The following CPS1 variants were observed in gnomAD, a reference collection of about 807,000 sequenced individuals.
CPS1 encodes the protein carbamoyl-phosphate synthase [ammonia], mitochondrial.
Under a neutral mutation model 174.6 loss-of-function variants are expected in CPS1, and 109 were observed. The observed-to-expected ratio is 0.62, with a 90% confidence interval of 0.53 to 0.73. The LOEUF (loss-of-function observed/expected upper bound fraction) is 0.73. CPS1 is among the 30% of genes least tolerant of loss of function. CPS1 has a pLI of 0.00. For synonymous variants in CPS1, 637 were observed against 632.0 expected, an observed-to-expected ratio of 1.01 and a Z score of -0.12; for missense variants, 1,689 against 1,821.9, an observed-to-expected ratio of 0.93 and a Z score of 1.33.
chr2:210,625,143 G>T (rs1331176394), intron 21 of CPS1, among the ~76,000 whole-genome samples: 2 of 151,556 alleles, frequency 1.3e-5, no homozygotes, highest in Non-Finnish European at 2.9e-5. Flanking sequence ...TTTTGTGCTA[G>T]TTCCAAAGCC....
rs1443967064 is a variant in CPS1 at position 210,678,278 on chromosome 2, G to A, written c.*293G>A. The A allele has an allele frequency of 4.6e-6, 2 of 438,950 alleles. No homozygotes were observed. The highest frequency in any genetic ancestry group is 7.0e-5 in the Admixed American group (2 of 28,644). 27.2% of individuals were successfully genotyped at this position (438,950 alleles called of 1,614,324 possible). A position where few individuals can be genotyped will look rare whatever the true frequency, so the allele number is the denominator to read the frequency against. ...TGTGTAGCTTTTTACTTTTTATGGT[G>A]CTGATTAATGGTGATCAAGGTAGGA... On this transcript the variant is annotated 3_prime_UTR_variant, in exon 38 of 38. Transcript: ENST00000233072.
intron 28 of CPS1, among the ~76,000 whole-genome samples, chr2:210,652,668 A>AT (rs1700593732): frequency 6.6e-6 from 1 of 152,178 alleles, no homozygotes; most frequent in African/African-American, 2.4e-5. Context: ...AACCTTTTGA[A>AT]TGTGAACTGC....
At chr2:210,549,668 TTAGA>T (rs1429393520) in intron 1 of CPS1, among the ~76,000 whole-genome samples, 1 of 152,064 alleles carries the variant, frequency 6.6e-6, no homozygotes, top group Non-Finnish European at 1.5e-5. Context: ...CTTGGCTTAC[TTAGA>T]TATTTGGTTT....
chr2:210,636,027 T>A (rs532684195), intron 21 of CPS1, among the ~76,000 whole-genome samples: 1 of 152,352 alleles, frequency 6.6e-6, no homozygotes, highest in South Asian at 2.1e-4. Context: ...TGCAATAGAT[T>A]TAATCCAATT....
intron 1 of CPS1, among the ~76,000 whole-genome samples, chr2:210,564,124 G>A (rs1697199942): frequency 6.6e-6 from 1 of 152,096 alleles, no homozygotes; most frequent in South Asian, 2.1e-4. Context: ...GAGATTTTTA[G>A]AGAAATTTCA....
At chr2:210,581,715 G>T (rs1015005477) in intron 5 of CPS1, among the ~76,000 whole-genome samples, 1 of 152,110 alleles carries the variant, frequency 6.6e-6, no homozygotes, top group Admixed American at 6.6e-5. Context: ...TAACAGCACT[G>T]AAACATCCAT....
chr2:210,500,613 C>A lies in CPS1; in HGVS notation c.3+22847C>A, dbSNP rs141630967. 2.5e-3 allele frequency among the ~76,000 whole-genome samples: 380 copies of A among 152,332 alleles called. 1 individual carries two copies. Among genetic ancestry groups the A allele is most frequent in the African/African-American group, 8.7e-3 (362 of 41,580 alleles). On this transcript the variant is annotated intron_variant, in intron 1 of 38. Transcript: ENST00000430249. ...AAATGATCTCCTTTGACTCTTATGT[C>A]TCATATCCAGGTCACACTGATGCAA... is the stretch of plus-strand genomic sequence containing the variant.
intron 13 of CPS1, among the ~76,000 whole-genome samples, chr2:210,597,292 A>C (rs2106121587): frequency 6.6e-6 from 1 of 151,964 alleles, no homozygotes; most frequent in South Asian, 2.1e-4. Context: ...TTACTCTTAA[A>C]ATCTTGAGAG....
intron 1 of CPS1, among the ~76,000 whole-genome samples, chr2:210,523,615 G>A (rs997907807): frequency 1.6e-4 from 25 of 151,972 alleles, no homozygotes; most frequent in African/African-American, 5.1e-4. Context: ...CTGTGTCTGA[G>A]TTGTTTCACT....
upstream of CPS1, among the ~76,000 whole-genome samples, chr2:210,551,842 A>G (rs1369361721): frequency 2.6e-5 from 4 of 152,026 alleles, no homozygotes; most frequent in Non-Finnish European, 5.9e-5. Flanking sequence ...ATCATCTAAC[A>G]ACATGATATC....
intron 1 of CPS1, among the ~76,000 whole-genome samples, chr2:210,532,526 G>A (rs1696142776): frequency 6.6e-6 from 1 of 152,032 alleles, no homozygotes; most frequent in South Asian, 2.1e-4. Context: ...TGACTAGAAA[G>A]GGAATAAGTA....
intron 21 of CPS1, 38 bp downstream of exon 21, chr2:210,616,579 C>A: frequency 1.6e-6 from 2 of 1,219,628 alleles, no homozygotes; most frequent in East Asian, 4.7e-5. Flanking sequence ...CAGACACCTT[C>A]AGTGCAATTT....
chr2:210,584,370 C>T (rs1698033099), intron 6 of CPS1, among the ~76,000 whole-genome samples: 1 of 152,064 alleles, frequency 6.6e-6, no homozygotes, highest in African/African-American at 2.4e-5. Flanking sequence ...AGAAACTCTA[C>T]TTTATCCAAG....
At chr2:210,669,347 G>A (rs756896417) in intron 34 of CPS1, among the ~76,000 whole-genome samples, 1 of 152,034 alleles carries the variant, frequency 6.6e-6, no homozygotes, top group African/African-American at 2.4e-5. Flanking sequence ...TTTTATTTGA[G>A]ATTAGTAATT....
At chr2:210,560,980 A>G (rs1697079583) in intron 1 of CPS1, among the ~76,000 whole-genome samples, 1 of 152,196 alleles carries the variant, frequency 6.6e-6, no homozygotes, top group Non-Finnish European at 1.5e-5. Context: ...GAGCTGTTGC[A>G]GAATTAGTTT....
At chr2:210,674,585 C>T (rs1701456932) in intron 34 of CPS1, 2 of 347,540 alleles carry the variant, frequency 5.8e-6, no homozygotes, top group South Asian at 7.4e-5. Flanking sequence ...CCTCCCTGAC[C>T]AGGAAAAGGA....
At chr2:210,608,643 C>T (rs1699008877) in intron 19 of CPS1, 84 bp downstream of exon 19, 3 of 1,343,058 alleles carry the variant, frequency 2.2e-6, no homozygotes, top group African/African-American at 2.9e-5. Context: ...GTTAAAGTTG[C>T]CTGGATACCA....
intron 28 of CPS1, among the ~76,000 whole-genome samples, chr2:210,651,662 G>A (rs549812072): frequency 2.8e-4 from 43 of 152,158 alleles, no homozygotes; most frequent in African/African-American, 6.3e-4. Context: ...TTCCTTTAGC[G>A]TATGGATAGA....
intron 2 of CPS1, 103 bp downstream of exon 2, chr2:210,573,510 T>A: frequency 1.1e-6 from 1 of 911,412 alleles, no homozygotes; most frequent in South Asian, 1.4e-5. Flanking sequence ...GTAGTAAGAC[T>A]ACGTATTGTC....
Sources: gnomAD v4.1 joint callset for allele counts (sites outside exome capture counted in the v4.1 genomes callset) on GRCh38, gnomAD v4.1.1 for gene constraint, MANE v1.5 for transcripts, NCBI Gene and HGNC (gene_info 2026-07-23, HGNC 2026-07-21) for gene names.